The following RBFOX2 variants were observed in gnomAD, a reference collection of about 807,000 sequenced individuals.
RBFOX2 encodes the protein RNA binding fox-1 homolog 2, also known as RNA binding protein fox-1 homolog 2.
In RBFOX2, 10 loss-of-function variants were observed where a neutral mutation model predicts 49.1. That is an observed-to-expected ratio of 0.20 (90% CI 0.13 to 0.35). RBFOX2 has a LOEUF of 0.35. RBFOX2 is among the 10% of genes least tolerant of loss of function. The pLI is 1.00. For synonymous variants in RBFOX2, 183 were observed against 187.4 expected (o/e 0.98, Z 0.19); for missense variants, 323 against 486.9 (o/e 0.66, Z 3.17).
chr22:35,742,275 C>T (rs1341275607), exon 12 of RBFOX2: 2 of 152,272 alleles, frequency 1.3e-5, no homozygotes, highest in African/African-American at 2.4e-5. Context: ...CTTGACATCG[C>T]CCCTAGTTTC....
intron 1 of RBFOX2, among the ~76,000 whole-genome samples, chr22:35,885,843 ATTTTTTTT>A (rs538674450): frequency 9.6e-5 from 8 of 83,152 alleles, no homozygotes; most frequent in South Asian, 3.9e-4. Context: ...CCCAAACCTA[ATTTTTTTT>A]TTTTTTTTTT....
At chr22:35,808,711 G>A (rs1004348794) in intron 2 of RBFOX2, among the ~76,000 whole-genome samples, 22 of 152,030 alleles carry the variant, frequency 1.4e-4, no homozygotes, top group African/African-American at 4.8e-4. Flanking sequence ...TGAGCTGGGC[G>A]TGGGGTGTGT....
Position 35,821,726 on chromosome 22 carries a change from G to A in RBFOX2, c.28-11722C>T, listed in dbSNP as rs182864642. 892 of 517,482 alleles carry A rather than the reference G, an allele frequency of 1.7e-3. 2 individuals are homozygous for A. Among genetic ancestry groups the A allele is most frequent in the Non-Finnish European group, 2.6e-3 (665 of 259,556 alleles). The allele number at this position is 517,482 out of a possible 1,614,324, so 32.1% of individuals were successfully genotyped here. ...GGCAGAGGTTCCCAGGCCAGAGGCT[G>A]CCATTAGGGATTACTGACTGCTCTG... On this transcript the variant is annotated intron_variant, in intron 1 of 11. Coordinates refer to ENST00000405409, the Ensembl canonical transcript of RBFOX2.
intron 9 of RBFOX2, among the ~76,000 whole-genome samples, chr22:35,755,471 G>A (rs1936583112): frequency 6.6e-6 from 1 of 152,152 alleles, no homozygotes; most frequent in Admixed American, 6.5e-5. Context: ...CTGGGTTGCT[G>A]ATTATGCTAC....
At chr22:35,983,886 G>A (rs2057580274) in intron 1 of RBFOX2, among the ~76,000 whole-genome samples, 1 of 152,008 alleles carries the variant, frequency 6.6e-6, no homozygotes, top group Non-Finnish European at 1.5e-5. Flanking sequence ...CCTCCTCAAC[G>A]ACCAGGCACA....
exon 1 of RBFOX2, chr22:35,840,328 T>A: frequency 1.3e-6 from 2 of 1,553,010 alleles, no homozygotes; most frequent in Non-Finnish European, 1.8e-6. Flanking sequence ...TAAGGGTGGG[T>A]AATTGATCTC....
intron 5 of RBFOX2, 83 bp downstream of exon 6, chr22:35,768,174 T>C (rs2146621234): frequency 2.1e-6 from 3 of 1,441,524 alleles, no homozygotes; most frequent in South Asian, 2.4e-5. Flanking sequence ...TAAGACAGGG[T>C]TCCAAATGTG....
chr22:35,917,198 G>A lies in RBFOX2; in HGVS notation c.-34+21649C>T, dbSNP rs531760731. 3.9e-5 allele frequency among the ~76,000 whole-genome samples: 6 copies of A among 152,316 alleles called. 1 individual carries two copies. In the South Asian group the frequency reaches 1.2e-3, roughly 32 times the overall value. Reference sequence around the variant, plus strand: ...TCTCCCTAAAAAGGAGCTCATGTTGGTAGGGGAAGACACAACAAAAAAGAA... The same window carrying A: ...TCTCCCTAAAAAGGAGCTCATGTTGATAGGGGAAGACACAACAAAAAAGAA... On this transcript the variant is annotated intron_variant, in intron 1 of 13. Coordinates refer to the RBFOX2 transcript ENST00000359369.
chr22:36,016,238 A>G (rs1384233494), intron 1 of RBFOX2, among the ~76,000 whole-genome samples: 1 of 152,138 alleles, frequency 6.6e-6, no homozygotes, highest in African/African-American at 2.4e-5. Flanking sequence ...AGAAATTTCT[A>G]TGAGCCTCTG....
chr22:35,879,295 T>G (rs2045568568), intron 1 of RBFOX2, among the ~76,000 whole-genome samples: 1 of 152,180 alleles, frequency 6.6e-6, no homozygotes, highest in Non-Finnish European at 1.5e-5. Flanking sequence ...GTACTGGATA[T>G]GTACAGTCTT....
intron 1 of RBFOX2, among the ~76,000 whole-genome samples, chr22:35,945,172 T>C (rs1322454592): frequency 6.6e-6 from 1 of 152,156 alleles, no homozygotes; most frequent in Non-Finnish European, 1.5e-5. Context: ...TTCATTGACT[T>C]ACTCCCCAGT....
intron 2 of RBFOX2, among the ~76,000 whole-genome samples, chr22:35,784,844 C>A (rs1164875617): frequency 1.3e-5 from 2 of 152,212 alleles, no homozygotes; most frequent in Admixed American, 6.5e-5. Flanking sequence ...CAGATTGCTG[C>A]GTTGCCGGCC....
chr22:36,001,184 T>TACACACACAC (rs57905429), intron 1 of RBFOX2, among the ~76,000 whole-genome samples: 3 of 133,596 alleles, frequency 2.2e-5, no homozygotes, highest in Non-Finnish European at 4.8e-5. Context: ...CCCCAAAACA[T>TACACACACAC]ACACACACAC....
intron 1 of RBFOX2, among the ~76,000 whole-genome samples, chr22:35,859,749 G>A (rs1376973318): frequency 6.6e-6 from 1 of 152,128 alleles, no homozygotes; most frequent in Non-Finnish European, 1.5e-5. Context: ...TAAGTTAGAG[G>A]CAGGGTTTTC....
exon 12 of RBFOX2, chr22:35,743,732 T>A (rs1931054523): frequency 6.5e-6 from 1 of 152,978 alleles, no homozygotes; most frequent in Non-Finnish European, 1.5e-5. Flanking sequence ...ACTAGAAGAA[T>A]ATCCTGTTGC....
chr22:36,014,280 G>A (rs1023917686), intron 1 of RBFOX2, among the ~76,000 whole-genome samples: 3 of 151,938 alleles, frequency 2.0e-5, no homozygotes, highest in Non-Finnish European at 4.4e-5. Context: ...CCGCCACCAC[G>A]CCCAGCTAAT....
chr22:35,801,233 CCTGT>C (rs1341756704), intron 2 of RBFOX2, among the ~76,000 whole-genome samples: 1 of 152,094 alleles, frequency 6.6e-6, no homozygotes, highest in African/African-American at 2.4e-5. Flanking sequence ...AACAACGCTT[CCTGT>C]CTAACTTTTA....
chr22:35,805,793 GC>G (rs1211488093), intron 2 of RBFOX2, among the ~76,000 whole-genome samples: 3 of 152,148 alleles, frequency 2.0e-5, no homozygotes, highest in Non-Finnish European at 2.9e-5. Context: ...ATTATTCAGT[GC>G]TGAAAAAGAA....
intron 1 of RBFOX2, among the ~76,000 whole-genome samples, chr22:35,900,187 C>A (rs2048396255): frequency 6.6e-6 from 1 of 152,162 alleles, no homozygotes; most frequent in Non-Finnish European, 1.5e-5. Flanking sequence ...GATCTCGGCT[C>A]ACTGCAACCT....
Sources: gnomAD v4.1 joint callset for allele counts (sites outside exome capture counted in the v4.1 genomes callset) on GRCh38, gnomAD v4.1.1 for gene constraint, MANE v1.5 for transcripts, NCBI Gene and HGNC (gene_info 2026-07-23, HGNC 2026-07-21) for gene names.